The following MAP3K5 variants were observed in gnomAD, a reference collection of about 807,000 sequenced individuals.
MAP3K5 encodes mitogen-activated protein kinase kinase kinase 5.
A neutral mutation model predicts 158.7 loss-of-function variants in MAP3K5; 56 were observed. The ratio of observed to expected loss-of-function variants is 0.35; its 90% CI spans 0.28 to 0.44. The LOEUF (loss-of-function observed/expected upper bound fraction) is 0.44. Ranked by LOEUF, MAP3K5 falls within the 20% of genes least tolerant of loss-of-function variation. The probability of loss-of-function intolerance (pLI) is 1.00; values close to 1 mark genes in which losing one functional copy is unlikely to be tolerated. For missense variants in MAP3K5, 1,294 were observed against 1,674.8 expected, an observed-to-expected ratio of 0.77 and a Z score of 3.97; for synonymous variants, 579 against 601.7, an observed-to-expected ratio of 0.96 and a Z score of 0.55.
chr6:136,637,119 C>T (rs192579448), intron 14 of MAP3K5: 16 of 1,404,800 alleles, frequency 1.1e-5, no homozygotes, highest in South Asian at 3.2e-5. Flanking sequence ...AAAATGCTAA[C>T]GCTTGGTGCT....
chr6:136,655,991 A>G (rs1778728226), intron 10 of MAP3K5, among the ~76,000 whole-genome samples: 1 of 152,160 alleles, frequency 6.6e-6, no homozygotes, highest in Non-Finnish European at 1.5e-5. Context: ...TATTAAGGAA[A>G]AGCATACATC....
At chr6:136,594,815 T>C (rs1160707596) in intron 21 of MAP3K5, among the ~76,000 whole-genome samples, 1 of 152,108 alleles carries the variant, frequency 6.6e-6, no homozygotes, top group Non-Finnish European at 1.5e-5. Flanking sequence ...TGTGTGTGTG[T>C]GTGTGTGGTA....
At chr6:136,672,444 T>C (rs1779522437) in intron 7 of MAP3K5, among the ~76,000 whole-genome samples, 1 of 152,226 alleles carries the variant, frequency 6.6e-6, no homozygotes, top group African/African-American at 2.4e-5. Flanking sequence ...CTGTCTATTT[T>C]AAACTTTACC....
intron 15 of MAP3K5, among the ~76,000 whole-genome samples, chr6:136,616,702 C>CGATGAT (rs113611680): frequency 1.4e-4 from 21 of 151,098 alleles, no homozygotes; most frequent in Admixed American, 1.3e-4. Flanking sequence ...TCAAGTAACT[C>CGATGAT]GATGATGATG....
At chr6:136,629,498 A>C (rs929011134) in intron 14 of MAP3K5, among the ~76,000 whole-genome samples, 1 of 152,100 alleles carries the variant, frequency 6.6e-6, no homozygotes, top group Non-Finnish European at 1.5e-5. Flanking sequence ...TCTGTCGCCC[A>C]GGCTGGAGTG....
At chr6:136,653,609 A>C (rs1358287986) in intron 10 of MAP3K5, among the ~76,000 whole-genome samples, 1 of 152,168 alleles carries the variant, frequency 6.6e-6, no homozygotes. Flanking sequence ...TATTACCCAA[A>C]TATTTGTCCT....
At chr6:136,678,002 T>C (rs1779777317) in intron 7 of MAP3K5, among the ~76,000 whole-genome samples, 1 of 152,176 alleles carries the variant, frequency 6.6e-6, no homozygotes, top group African/African-American at 2.4e-5. Context: ...ACAGGAATAT[T>C]AAGTTATGCA....
chr6:136,763,650 T>G (rs757630850), intron 1 of MAP3K5, among the ~76,000 whole-genome samples: 2 of 152,214 alleles, frequency 1.3e-5, no homozygotes, highest in Non-Finnish European at 2.9e-5. Context: ...GGCCTCAGTT[T>G]CCCTCTATGA....
intron 1 of MAP3K5, among the ~76,000 whole-genome samples, chr6:136,791,012 T>G (rs1443445425): frequency 6.6e-6 from 1 of 152,208 alleles, no homozygotes; most frequent in Non-Finnish European, 1.5e-5. Context: ...AATGTTAAAT[T>G]ACAAACTTTC....
intron 3 of MAP3K5, 30 bp downstream of exon 3, chr6:136,705,080 A>G: frequency 1.8e-6 from 2 of 1,086,386 alleles, no homozygotes; most frequent in Non-Finnish European, 2.6e-6. Flanking sequence ...AATATTTTTA[A>G]AACTCTGGAA....
chr6:136,580,274 T>C (rs555203796), intron 25 of MAP3K5, 27 bp downstream of exon 25: 8 of 1,389,214 alleles, frequency 5.8e-6, no homozygotes, highest in Admixed American at 1.7e-5. Flanking sequence ...GCACTAAATA[T>C]GTGCAGAGTA....
At chr6:136,599,617 A>C (rs1426549872) in intron 21 of MAP3K5, among the ~76,000 whole-genome samples, 2 of 152,210 alleles carry the variant, frequency 1.3e-5, no homozygotes, top group African/African-American at 2.4e-5. Context: ...GAAGGGATAA[A>C]ACAATCATGG....
In MAP3K5 at chr6:136,691,792, C is replaced by A. The variant is rs1780399044; in HGVS notation, c.1253+2348G>T. Among the ~76,000 whole-genome samples the A allele has an allele frequency of 2.0e-5, 3 of 152,232 alleles. No homozygotes were observed. The South Asian group carries it at 6.2e-4, about 32-fold the overall frequency. On this transcript the variant is annotated intron_variant, in intron 7 of 29. Transcript: ENST00000359015. ...TTAATCTGATTTGATGACATTTCAA[C>A]TTCAGATATTGTACTTTTCAGTTCT...
chr6:136,764,427 C>T (rs1444786319), intron 1 of MAP3K5, among the ~76,000 whole-genome samples: 1 of 152,206 alleles, frequency 6.6e-6, no homozygotes, highest in Non-Finnish European at 1.5e-5. Flanking sequence ...CCAACCGGGT[C>T]ATGTGGAGAG....
intron 2 of MAP3K5, among the ~76,000 whole-genome samples, chr6:136,716,353 C>T (rs1781527428): frequency 1.3e-5 from 2 of 152,246 alleles, no homozygotes; most frequent in African/African-American, 4.8e-5. Context: ...TAATTCTCAA[C>T]TATCTGGCAC....
At chr6:136,657,768 C>T (rs1778813550) in intron 9 of MAP3K5, among the ~76,000 whole-genome samples, 1 of 152,058 alleles carries the variant, frequency 6.6e-6, no homozygotes, top group African/African-American at 2.4e-5. Context: ...GATGAGTGTT[C>T]CTCGGAGAAT....
rs111565413 is a variant in MAP3K5, at chr6:136,621,731, C to T, written c.2150+1117G>A. Among the ~76,000 whole-genome samples, 13 of 152,216 alleles carry T rather than the reference C, an allele frequency of 8.5e-5. No individual in the cohort carries two copies. In the East Asian group the frequency reaches 9.7e-4, roughly 11 times the overall value. On this transcript the variant is annotated intron_variant, in intron 15 of 29. Transcript: ENST00000359015. The stretch of plus-strand genomic sequence containing the variant: ...CACTTCCCCTAGTTTGGTTAGGCTC[C>T]GGTAAAATAGAGTCTCTTGTGGACA...
At chr6:136,614,407 A>G (rs1384227378) in intron 15 of MAP3K5, 121 bp from the exon 16 acceptor site, 1 of 1,027,032 alleles carries the variant, frequency 9.7e-7, no homozygotes. Flanking sequence ...CAAAACAACC[A>G]CTTAAGGCCT....
chr6:136,608,737 G>C lies in MAP3K5; in HGVS notation c.2521+2545C>G, dbSNP rs1776206785. Among the ~76,000 whole-genome samples the C allele has an allele frequency of 2.6e-5, 4 of 152,190 alleles. No individual in the cohort carries two copies. The South Asian group carries it at 8.3e-4, about 32-fold the overall frequency. On this transcript the variant is annotated intron_variant, in intron 18 of 29. Coordinates refer to ENST00000359015, the MANE Select transcript of MAP3K5 (RefSeq NM_005923.4). ...ACAAACTGGGATAATGATACCTAAT[G>C]ATTAAGGCTGATGTATGAATTTCAA...
Sources: allele counts gnomAD v4.1 joint callset (sites outside exome capture counted in the v4.1 genomes callset), GRCh38; gene constraint gnomAD v4.1.1; transcripts MANE v1.5; gene names NCBI Gene and HGNC (gene_info 2026-07-23, HGNC 2026-07-21).